TPX2: variants seen among roughly 807,000 people sequenced by gnomAD.
TPX2 encodes TPX2 microtubule nucleation factor.
A neutral mutation model predicts 93.6 loss-of-function variants in TPX2; 21 were observed. The ratio of observed to expected loss-of-function variants is 0.22; its 90% CI spans 0.16 to 0.32. The LOEUF (loss-of-function observed/expected upper bound fraction) is 0.32. Ranked by LOEUF, TPX2 falls within the 10% of genes least tolerant of loss-of-function variation. The pLI, the probability that TPX2 is intolerant of heterozygous loss-of-function variation, is 1.00. For synonymous variants in TPX2, 281 were observed against 298.3 expected (o/e 0.94, Z 0.60); for missense variants, 776 against 871.1 (o/e 0.89, Z 1.37).
chr20:31,758,381 A>G (rs773052477), intron 3 of TPX2, among the ~76,000 whole-genome samples: 1 of 152,096 alleles, frequency 6.6e-6, no homozygotes, highest in Non-Finnish European at 1.5e-5. Flanking sequence ...CAGCCTCCCA[A>G]AGTGCTGGGA....
chr20:31,798,253 G>C, intron 16 of TPX2, 112 bp from the exon 17 acceptor site: 1 of 1,353,896 alleles, frequency 7.4e-7, no homozygotes, highest in Non-Finnish European at 1.0e-6. Flanking sequence ...GGCTTGTTTA[G>C]AGCACAGTCT....
chr20:31,745,353 A>G (rs970512926), intron 2 of TPX2, among the ~76,000 whole-genome samples: 4 of 142,288 alleles, frequency 2.8e-5, no homozygotes, highest in Admixed American at 7.2e-5. Context: ...TTTTGGAGAC[A>G]GAGTCTCACT....
chr20:31,794,755 AGTGTGTGTGTGTGTGTGT>A (rs35018680), intron 15 of TPX2, among the ~76,000 whole-genome samples: 4 of 145,392 alleles, frequency 2.8e-5, no homozygotes, highest in East Asian at 2.0e-4. Context: ...TCTGTCGCAT[AGTGTGTGTGTGTGTGTGT>A]GTGTGTGTGT....
chr20:31,768,410 T>C (rs542720312), intron 5 of TPX2, among the ~76,000 whole-genome samples: 3 of 151,370 alleles, frequency 2.0e-5, no homozygotes, highest in Non-Finnish European at 4.4e-5. Flanking sequence ...TAATTTTTTT[T>C]TTTTTTTTGT....
chr20:31,794,038 T>C lies in TPX2; in HGVS notation c.1686+14T>C, dbSNP rs1311734577. 6.2e-7 allele frequency: 1 copy of C among 1,601,600 alleles called. No individual in the cohort carries two copies. The highest frequency in any genetic ancestry group is 8.5e-7 in the Non-Finnish European group (1 of 1,174,882). ...CAGAAAGGGGAGGTAGGTGTTTCCA[T>C]TTCTGCAAGTAGTGTAATACTATTC... On this transcript the variant is annotated intron_variant, in intron 14 of 17. Coordinates refer to ENST00000300403, the MANE Select transcript of TPX2 (RefSeq NM_012112.5).
chr20:31,784,994 AG>A (rs1170731547), intron 12 of TPX2, among the ~76,000 whole-genome samples: 1 of 152,130 alleles, frequency 6.6e-6, no homozygotes. Flanking sequence ...CCATGCTTTT[AG>A]GGGAAACTGC....
intron 4 of TPX2, among the ~76,000 whole-genome samples, chr20:31,765,788 A>G (rs535081770): frequency 6.6e-6 from 1 of 152,346 alleles, no homozygotes; most frequent in Admixed American, 6.5e-5. Flanking sequence ...GATGATTCTG[A>G]CATCAGGAGA....
chr20:31,742,240 C>T (rs910752962), intron 1 of TPX2, among the ~76,000 whole-genome samples: 5 of 148,194 alleles, frequency 3.4e-5, no homozygotes, highest in South Asian at 4.2e-4. Context: ...CTGGCTGGCG[C>T]AATCTTGGCT....
intron 4 of TPX2, among the ~76,000 whole-genome samples, chr20:31,763,030 G>A (rs542122246): frequency 1.3e-5 from 2 of 152,186 alleles, no homozygotes; most frequent in East Asian, 3.9e-4. Flanking sequence ...CCATTTGTCT[G>A]TGTGTCTGTT....
intron 2 of TPX2, among the ~76,000 whole-genome samples, chr20:31,745,537 A>G (rs1459102950): frequency 6.6e-6 from 1 of 152,170 alleles, no homozygotes; most frequent in Admixed American, 6.5e-5. Context: ...CATATTGGCC[A>G]GGCTGGTCTT....
At chr20:31,755,621 G>A (rs2061847065) in intron 2 of TPX2, among the ~76,000 whole-genome samples, 1 of 151,994 alleles carries the variant, frequency 6.6e-6, no homozygotes, top group African/African-American at 2.4e-5. Flanking sequence ...AAATTAGCAA[G>A]GTGTGGCTGT....
intron 6 of TPX2, among the ~76,000 whole-genome samples, chr20:31,770,774 A>T (rs2061960505): frequency 6.6e-6 from 1 of 152,188 alleles, no homozygotes; most frequent in Admixed American, 6.6e-5. Context: ...TTTATTAGTT[A>T]AGAATGTATT....
At chr20:31,773,591 G>A (rs928586125) in intron 7 of TPX2, among the ~76,000 whole-genome samples, 7 of 152,130 alleles carry the variant, frequency 4.6e-5, no homozygotes, top group Non-Finnish European at 8.8e-5. Context: ...TGCCTGGCCT[G>A]AAGTGCCATT....
rs573660068 is a variant in TPX2 at position 31,801,248 on chromosome 20, G to C, written c.*168G>C. On this transcript the variant is annotated 3_prime_UTR_variant, in exon 18 of 18. Coordinates refer to ENST00000300403, the MANE Select transcript of TPX2 (RefSeq NM_012112.5). ...GACAACTGTGGACTCCAGTTTTGTT[G>C]AGAATTGTTTTCTTACATTACTAAG... 8.6e-6 allele frequency: 5 copies of C among 584,082 alleles called. No individual in the cohort carries two copies. The highest frequency in any genetic ancestry group is 2.2e-5 in the South Asian group (1 of 46,234). 36.2% of individuals were successfully genotyped at this position (584,082 alleles called of 1,614,324 possible). A position where few individuals can be genotyped will look rare whatever the true frequency, so the allele number is the denominator to read the frequency against.
At chr20:31,794,628 C>A (rs1231522900) in intron 15 of TPX2, 80 bp downstream of exon 15, 21 of 1,536,866 alleles carry the variant, frequency 1.4e-5, no homozygotes, top group Admixed American at 1.9e-5. Context: ...ACTGAAATCA[C>A]CTGGGTTAAC....
At chr20:31,780,940 G>C (rs1274143226) in intron 10 of TPX2, 1 of 409,478 alleles carries the variant, frequency 2.4e-6, no homozygotes, top group East Asian at 8.8e-5. Context: ...GCTTTTTAGA[G>C]ACAGGGTCTT....
chr20:31,776,816 C>T (rs1374301670), intron 8 of TPX2, among the ~76,000 whole-genome samples: 8 of 152,134 alleles, frequency 5.3e-5, no homozygotes, highest in African/African-American at 1.2e-4. Flanking sequence ...CATGAGCCAC[C>T]GTGCCTGGCT....
chr20:31,794,784 GTGTGTGTA>G (rs925854757), intron 15 of TPX2, among the ~76,000 whole-genome samples: 13 of 151,586 alleles, frequency 8.6e-5, no homozygotes, highest in African/African-American at 2.9e-4. Flanking sequence ...GTGTGTGTGT[GTGTGTGTA>G]TGTGTGTGTG....
rs558437118 is a variant in TPX2 at position 31,764,777 on chromosome 20, A to G, written c.230-1779A>G. On this transcript the variant is annotated intron_variant, in intron 4 of 17. Transcript: ENST00000300403. ...AAATATTTCTTTAGGAGATGAACCA[A>G]ATGATTGTTCTCTGAAATGAATAAT... Among the ~76,000 whole-genome samples the G allele has an allele frequency of 5.9e-5, 9 of 152,202 alleles. No homozygotes were observed. The South Asian group carries it at 1.7e-3, about 28-fold the overall frequency.
Sources: allele counts gnomAD v4.1 joint callset (sites outside exome capture counted in the v4.1 genomes callset), GRCh38; gene constraint gnomAD v4.1.1; transcripts MANE v1.5; gene names NCBI Gene and HGNC (gene_info 2026-07-23, HGNC 2026-07-21).